The following CLDN10 variants were observed in gnomAD, a reference collection of about 807,000 sequenced individuals.
CLDN10 encodes the protein claudin 10.
Under a neutral mutation model 22.9 loss-of-function variants are expected in CLDN10, and 15 were observed. That is an observed-to-expected ratio of 0.65 (90% CI 0.44 to 1.01). The LOEUF (loss-of-function observed/expected upper bound fraction) is 1.01, where lower values mean the gene tolerates loss of function less well. Ranked by LOEUF, CLDN10 falls within the 50% of genes least tolerant of loss-of-function variation. The pLI is 0.00. For synonymous variants in CLDN10, 114 were observed against 111.4 expected, an observed-to-expected ratio of 1.02 and a Z score of -0.15; for missense variants, 247 against 287.8, an observed-to-expected ratio of 0.86 and a Z score of 1.03.
At chr13:95,573,902 G>T (rs986089650) in intron 3 of CLDN10, among the ~76,000 whole-genome samples, 8 of 150,488 alleles carry the variant, frequency 5.3e-5, no homozygotes, top group African/African-American at 1.7e-4. Context: ...CCCCGTGTGT[G>T]ATGTTCCCCA....
intron 1 of CLDN10, among the ~76,000 whole-genome samples, chr13:95,483,059 G>T (rs1412066266): frequency 6.6e-6 from 1 of 152,226 alleles, no homozygotes; most frequent in East Asian, 1.9e-4. Flanking sequence ...GGTGAGAAAT[G>T]ATTCTCCATC....
chr13:95,480,842 G>A (rs2042739506), intron 1 of CLDN10, among the ~76,000 whole-genome samples: 1 of 152,184 alleles, frequency 6.6e-6, no homozygotes, highest in South Asian at 2.1e-4. Context: ...GAAATACTTA[G>A]AAGTTATCTA....
chr13:95,444,148 G>A lies in CLDN10; in HGVS notation c.214+10101G>A, dbSNP rs148054108. On this transcript the variant is annotated intron_variant, in intron 1 of 4. Coordinates refer to the CLDN10 transcript ENST00000376873. ...CTGTCTCCACCGCACAGCTTTCCTC[G>A]CGCCTCACAGACTAAATTGCATCCT... Among the ~76,000 whole-genome samples the A allele has an allele frequency of 2.1e-3, 320 of 152,240 alleles. 4 individuals carry two copies. The highest frequency in any genetic ancestry group is 0.01 in the Middle Eastern group (3 of 294).
At chr13:95,494,850 A>G (rs1014670724) in intron 1 of CLDN10, among the ~76,000 whole-genome samples, 10 of 152,226 alleles carry the variant, frequency 6.6e-5, no homozygotes, top group African/African-American at 2.4e-4. Flanking sequence ...GTAAGATCAC[A>G]CAACACCTTG....
At chr13:95,530,094 G>C (rs2043324716) in intron 1 of CLDN10, among the ~76,000 whole-genome samples, 1 of 151,998 alleles carries the variant, frequency 6.6e-6, no homozygotes, top group Admixed American at 6.6e-5. Context: ...CAACCAGAAA[G>C]TGTGTGATTA....
chr13:95,577,411 T>A, intron 4 of CLDN10, 73 bp downstream of exon 4: 1 of 955,408 alleles, frequency 1.0e-6, no homozygotes, highest in South Asian at 1.3e-5. Flanking sequence ...TGGAACAAAT[T>A]ACAGATAGTT....
At chr13:95,465,988 G>C (rs1388252694) in intron 1 of CLDN10, among the ~76,000 whole-genome samples, 1 of 151,832 alleles carries the variant, frequency 6.6e-6, no homozygotes, top group Non-Finnish European at 1.5e-5. Flanking sequence ...AACCAACCTG[G>C]AATCCCTGAG....
At chr13:95,529,633 C>G (rs1175875352) in intron 1 of CLDN10, among the ~76,000 whole-genome samples, 1 of 152,064 alleles carries the variant, frequency 6.6e-6, no homozygotes, top group Non-Finnish European at 1.5e-5. Flanking sequence ...CAGAAGTGGT[C>G]CTTTTCCATT....
At position 95,439,350 on chromosome 13, in the gene CLDN10, TA is replaced by T. The variant is rs61125521; in HGVS notation, c.214+5304del. ...TGAGGCCTCTTTTTTATGTTATTATTATTTTTTTTTTTGAGACTGAGTCTTG... is the reference window on the plus strand; with the variant it reads ...TGAGGCCTCTTTTTTATGTTATTATTTTTTTTTTTTTGAGACTGAGTCTTG... On this transcript the variant is annotated intron_variant, in intron 1 of 4. Coordinates refer to the CLDN10 transcript ENST00000376873. Among the ~76,000 whole-genome samples the T allele has an allele frequency of 5.9e-3, 883 of 150,534 alleles. 4 individuals are homozygous for T. Among genetic ancestry groups the T allele is most frequent in the African/African-American group, 0.02 (832 of 40,984 alleles).
At chr13:95,576,965 G>C (rs1229447804) in intron 3 of CLDN10, among the ~76,000 whole-genome samples, 2 of 152,208 alleles carry the variant, frequency 1.3e-5, no homozygotes, top group Non-Finnish European at 2.9e-5. Context: ...TGAGTCAGGA[G>C]ACCCTGGCTG....
chr13:95,523,422 G>A (rs940114046), intron 1 of CLDN10, among the ~76,000 whole-genome samples: 10 of 152,062 alleles, frequency 6.6e-5, no homozygotes, highest in South Asian at 2.1e-4. Context: ...ATTATCATCC[G>A]TTTAAGTTTA....
chr13:95,525,553 C>T (rs994058921), intron 1 of CLDN10, among the ~76,000 whole-genome samples: 4 of 152,080 alleles, frequency 2.6e-5, no homozygotes, highest in African/African-American at 9.7e-5. Flanking sequence ...AGTACAGTGG[C>T]GTAATCGTGG....
chr13:95,497,145 T>A (rs1473284505), intron 1 of CLDN10: 1 of 152,162 alleles, frequency 6.6e-6, no homozygotes, highest in Non-Finnish European at 1.5e-5. Flanking sequence ...AAATGTCAGC[T>A]ATAATCATGA....
At chr13:95,508,605 A>T (rs1484338692) in intron 1 of CLDN10, among the ~76,000 whole-genome samples, 2 of 152,266 alleles carry the variant, frequency 1.3e-5, no homozygotes, top group African/African-American at 2.4e-5. Context: ...CAACCGCCCA[A>T]CTGTATGACC....
At chr13:95,498,969 C>T (rs143665408) in intron 1 of CLDN10, among the ~76,000 whole-genome samples, 2,499 of 152,292 alleles carry the variant, frequency 0.016, 64 homozygotes, top group African/African-American at 0.056. Flanking sequence ...TAAGTGGAAT[C>T]GCACAGAATT....
At chr13:95,464,638 C>T (rs2042567211) in intron 1 of CLDN10, among the ~76,000 whole-genome samples, 1 of 151,984 alleles carries the variant, frequency 6.6e-6, no homozygotes, top group African/African-American at 2.4e-5. Context: ...GCTGGAGACC[C>T]GTGATTTTTA....
At chr13:95,534,803 C>T (rs926032061) in intron 1 of CLDN10, among the ~76,000 whole-genome samples, 1 of 151,870 alleles carries the variant, frequency 6.6e-6, no homozygotes, top group African/African-American at 2.4e-5. Context: ...GGTTTTTTTT[C>T]TCCTGGCATT....
chr13:95,489,881 G>C (rs2042851431), intron 1 of CLDN10, among the ~76,000 whole-genome samples: 1 of 152,116 alleles, frequency 6.6e-6, no homozygotes, highest in African/African-American at 2.4e-5. Context: ...TCCATCTTTA[G>C]TTGATTTTTG....
rs1335287279 is a variant in CLDN10 at position 95,579,281 on chromosome 13, T to A, written c.*1267T>A. On this transcript the variant is annotated 3_prime_UTR_variant, in exon 5 of 5. Coordinates refer to ENST00000299339, the MANE Select transcript of CLDN10 (RefSeq NM_006984.5). The stretch of plus-strand genomic sequence containing the variant: ...GAGAGACTTGTCATTTCTAAAGACA[T>A]TTAAGTTGCTCCAGGGATTTCTGAA... The A allele has an allele frequency of 6.6e-6, 1 of 152,178 alleles. No homozygotes were observed. The highest frequency in any genetic ancestry group is 2.4e-5 in the African/African-American group (1 of 41,428). The allele number at this position is 152,178 out of a possible 1,614,324, so 9.4% of individuals were successfully genotyped here.
Sources: gnomAD v4.1 joint callset for allele counts (sites outside exome capture counted in the v4.1 genomes callset) on GRCh38, gnomAD v4.1.1 for gene constraint, MANE v1.5 for transcripts, NCBI Gene and HGNC (gene_info 2026-07-23, HGNC 2026-07-21) for gene names.